Variants in SPAG9 observed in about 807,000 individuals in gnomAD.
The protein encoded by SPAG9 is sperm associated antigen 9, also known as C-Jun-amino-terminal kinase-interacting protein 4.
SPAG9 carries 35 observed loss-of-function variants against 166.5 expected under a neutral mutation model. The ratio of observed to expected loss-of-function variants is 0.21; its 90% CI spans 0.16 to 0.28. The LOEUF (loss-of-function observed/expected upper bound fraction) is 0.28, where lower values mean the gene tolerates loss of function less well. SPAG9 is among the 10% of genes least tolerant of loss of function. The pLI, the probability that SPAG9 is intolerant of heterozygous loss-of-function variation, is 1.00. For synonymous variants in SPAG9, 534 were observed against 565.5 expected, an observed-to-expected ratio of 0.94 and a Z score of 0.79; for missense variants, 1,235 against 1,603.3, an observed-to-expected ratio of 0.77 and a Z score of 3.92.
At chr17:51,031,450 T>C (rs2046381126) in intron 6 of SPAG9, 1 of 538,312 alleles carries the variant, frequency 1.9e-6, no homozygotes, top group South Asian at 2.2e-5. Flanking sequence ...TACTTATATT[T>C]TCTTTCCTTT....
Position 51,120,717 on chromosome 17 carries a change from G to T in SPAG9, c.-61C>A. The T allele has an allele frequency of 7.0e-7, 1 of 1,428,000 alleles. No individual in the cohort carries two copies. The highest frequency in any genetic ancestry group is 9.4e-7 in the Non-Finnish European group (1 of 1,060,854). 88.5% of individuals were successfully genotyped at this position (1,428,000 alleles called of 1,614,324 possible). ...GCCGGCAGAGGGGCGGCACCTGCCC[G>T]CACGGGACGGACCCGACTCGGGCTG... On this transcript the variant is annotated 5_prime_UTR_variant, in exon 1 of 30. Transcript: ENST00000262013. This position sits in a 1 kb window ranked among gnomAD's most constrained non-coding sequence, Gnocchi z 4.7.
chr17:51,095,914 T>G (rs1242240759), intron 1 of SPAG9, among the ~76,000 whole-genome samples: 1 of 139,804 alleles, frequency 7.2e-6, no homozygotes, highest in Non-Finnish European at 1.5e-5. Flanking sequence ...TATATAGTGA[T>G]ATATATATAG....
chr17:51,105,216 A>C (rs899699126), intron 1 of SPAG9, among the ~76,000 whole-genome samples: 5 of 152,242 alleles, frequency 3.3e-5, no homozygotes, highest in East Asian at 3.8e-4. Flanking sequence ...TCTTAGAAAG[A>C]AAGCCCAGGA....
intron 6 of SPAG9, among the ~76,000 whole-genome samples, chr17:51,022,036 T>A (rs1485461188): frequency 1.3e-5 from 2 of 151,156 alleles, no homozygotes; most frequent in African/African-American, 2.4e-5. Flanking sequence ...GGCAGGAGAA[T>A]TGCTTGAACC....
At chr17:51,039,086 C>T (rs1459463950) in intron 5 of SPAG9, among the ~76,000 whole-genome samples, 2 of 152,172 alleles carry the variant, frequency 1.3e-5, no homozygotes, top group East Asian at 1.9e-4. Flanking sequence ...AGTTTTCTGT[C>T]GTTCTCTCAC....
chr17:51,017,519 TGAGAGA>T (rs60839678), intron 8 of SPAG9, among the ~76,000 whole-genome samples: 104 of 147,398 alleles, frequency 7.1e-4, no homozygotes, highest in East Asian at 3.0e-3. Context: ...AGAACCTGTC[TGAGAGA>T]GAGAGAGAGA....
intron 1 of SPAG9, among the ~76,000 whole-genome samples, chr17:51,095,935 AGT>A (rs1230996720): frequency 7.5e-6 from 1 of 132,732 alleles, no homozygotes; most frequent in Non-Finnish European, 1.6e-5. Flanking sequence ...TGATATATAT[AGT>A]GATATAGTTA....
Position 51,120,455 on chromosome 17 carries a change from C to G in SPAG9, c.202G>C (p.Asp68His). 1 of 1,613,876 alleles carries G rather than the reference C, an allele frequency of 6.2e-7. No homozygotes were observed. Among genetic ancestry groups the G allele is most frequent in the Non-Finnish European group, 8.5e-7 (1 of 1,179,860 alleles). Reference protein sequence around the residue: ...LENLDSVFAQDQEHQVELELL... With the variant: ...LENLDSVFAQHQEHQVELELL... ...TCCAGCTCCACCTGGTGCTCCTGGT[C>G]CTGCGCGAACACCGAGTCCAGGTTC... Residue 68 changes from aspartate to histidine, a missense_variant, in exon 1 of 30, where the codon GAC becomes CAC. Transcript: ENST00000262013. This position sits in a 1 kb window ranked among gnomAD's most constrained non-coding sequence, Gnocchi z 4.7.
rs578089840 is a variant in SPAG9, at chr17:51,025,018, C to CAA, written c.784-3655_784-3654dup. On this transcript the variant is annotated intron_variant, in intron 6 of 29. Coordinates refer to ENST00000262013, the MANE Select transcript of SPAG9 (RefSeq NM_001130528.3). Reference sequence around the variant, plus strand: ...TGGGCAACAGAGCAAGACTTCATCTCAAAAAAAAAAAAAAAATTGGCCAGG... The same window carrying CAA: ...TGGGCAACAGAGCAAGACTTCATCTCAAAAAAAAAAAAAAAAAATTGGCCAGG... 1.5e-3 allele frequency among the ~76,000 whole-genome samples: 189 copies of CAA among 125,066 alleles called. 1 individual carries two copies. Among genetic ancestry groups the CAA allele is most frequent in the Middle Eastern group, 0.012 (3 of 244 alleles). 82.0% of individuals were successfully genotyped at this position (125,066 alleles called of 152,430 possible). A position where few individuals can be genotyped will look rare whatever the true frequency, so the allele number is the denominator to read the frequency against.
chr17:51,048,607 C>T (rs2047096094), intron 3 of SPAG9, among the ~76,000 whole-genome samples: 1 of 151,720 alleles, frequency 6.6e-6, no homozygotes, highest in African/African-American at 2.4e-5. Flanking sequence ...TATTAAGTAA[C>T]AAAATAAAAT....
chr17:51,083,295 T>TA (rs2048218250), intron 1 of SPAG9, among the ~76,000 whole-genome samples: 1 of 150,770 alleles, frequency 6.6e-6, no homozygotes, highest in Non-Finnish European at 1.5e-5. Flanking sequence ...AGTGCGCTGG[T>TA]ACCATCTCAG....
At chr17:51,058,594 T>A (rs1399645433) in intron 2 of SPAG9, among the ~76,000 whole-genome samples, 1 of 152,078 alleles carries the variant, frequency 6.6e-6, no homozygotes. Flanking sequence ...CAGAGGGGAG[T>A]ATGCTTCAAA....
At chr17:51,077,005 G>GCTAGCTAGCTAGCTAT (rs1441093345) in intron 2 of SPAG9, among the ~76,000 whole-genome samples, 1 of 92,526 alleles carries the variant, frequency 1.1e-5, no homozygotes, top group Non-Finnish European at 2.2e-5. Flanking sequence ...TAGCTATCTA[G>GCTAGCTAGCTAGCTAT]CTAGCTAGCT....
intron 3 of SPAG9, among the ~76,000 whole-genome samples, chr17:51,051,907 C>T (rs1008242832): frequency 2.0e-5 from 3 of 152,064 alleles, no homozygotes; most frequent in Non-Finnish European, 4.4e-5. Flanking sequence ...TGAGACTCTC[C>T]CAAGATTCCA....
chr17:51,079,134 T>C (rs1344360646), intron 2 of SPAG9, among the ~76,000 whole-genome samples: 1 of 152,076 alleles, frequency 6.6e-6, no homozygotes, highest in Non-Finnish European at 1.5e-5. Flanking sequence ...CCCTAGGTCC[T>C]AGGTCTCACT....
chr17:51,049,943 G>T (rs985883728), intron 3 of SPAG9, among the ~76,000 whole-genome samples: 1 of 152,176 alleles, frequency 6.6e-6, no homozygotes, highest in African/African-American at 2.4e-5. Context: ...GTATGTATGG[G>T]ATTGATTTGT....
chr17:51,018,995 G>A (rs1433402319), intron 8 of SPAG9, among the ~76,000 whole-genome samples: 1 of 152,164 alleles, frequency 6.6e-6, no homozygotes, highest in Non-Finnish European at 1.5e-5. Flanking sequence ...ATAGTATTAA[G>A]ATGGGGCCTT....
intron 9 of SPAG9, 43 bp downstream of exon 9, chr17:51,014,189 A>G (rs1337471374): frequency 1.3e-6 from 2 of 1,542,924 alleles, no homozygotes; most frequent in South Asian, 1.2e-5. Context: ...TAAAAAATCA[A>G]TTTTAAAAAC....
chr17:51,105,819 G>A (rs1338311363), intron 1 of SPAG9, among the ~76,000 whole-genome samples: 3 of 151,752 alleles, frequency 2.0e-5, no homozygotes, highest in African/African-American at 2.4e-5. Context: ...GCAGTGAGCC[G>A]AGATTGCGCC....
Sources: gnomAD v4.1 joint callset for allele counts (sites outside exome capture counted in the v4.1 genomes callset) on GRCh38, gnomAD v4.1.1 for gene constraint, Gnocchi (gnomAD v3.1) non-coding constraint, MANE v1.5 for transcripts, NCBI Gene and HGNC (gene_info 2026-07-23, HGNC 2026-07-21) for gene names.